AUTS2: variants seen among roughly 807,000 people sequenced by gnomAD.
The protein encoded by AUTS2 is activator of transcription and developmental regulator AUTS2.
Under a neutral mutation model 112.4 loss-of-function variants are expected in AUTS2, and 17 were observed. That is an observed-to-expected ratio of 0.15 (90% CI 0.10 to 0.23). The LOEUF is 0.23. Ranked by LOEUF, AUTS2 falls within the 10% of genes least tolerant of loss-of-function variation. The pLI is 1.00. For synonymous variants in AUTS2, 751 were observed against 702.7 expected, an observed-to-expected ratio of 1.07 and a Z score of -1.09; for missense variants, 1,510 against 1,701.6, an observed-to-expected ratio of 0.89 and a Z score of 1.98.
At chr7:70,708,343 A>G (rs1809851028) in intron 6 of AUTS2, among the ~76,000 whole-genome samples, 1 of 152,222 alleles carries the variant, frequency 6.6e-6, no homozygotes, top group Admixed American at 6.5e-5. Flanking sequence ...TTCTGAAAGC[A>G]GATTGGTCAG....
intron 1 of AUTS2, among the ~76,000 whole-genome samples, chr7:69,692,305 T>C (rs1469965695): frequency 2.0e-5 from 3 of 152,154 alleles, no homozygotes; most frequent in Admixed American, 6.5e-5. Context: ...AATGAGGAGT[T>C]TTTATAGAAA....
At chr7:70,506,008 G>T (rs565493075) in intron 5 of AUTS2, among the ~76,000 whole-genome samples, 2 of 152,170 alleles carry the variant, frequency 1.3e-5, no homozygotes, top group Non-Finnish European at 2.9e-5. Flanking sequence ...GGCCTTGAAC[G>T]TGATGCCTCC....
intron 4 of AUTS2, among the ~76,000 whole-genome samples, chr7:70,371,124 G>A (rs1336056606): frequency 6.6e-6 from 1 of 152,182 alleles, no homozygotes; most frequent in Non-Finnish European, 1.5e-5. Flanking sequence ...ACCAGAGGTT[G>A]CTATTCTCAT....
At chr7:70,247,208 C>G (rs1721066875) in intron 4 of AUTS2, among the ~76,000 whole-genome samples, 1 of 151,986 alleles carries the variant, frequency 6.6e-6, no homozygotes. Context: ...AAATGTTGAC[C>G]CATGCTACAA....
chr7:70,003,998 AT>A (rs1799388014), intron 2 of AUTS2, among the ~76,000 whole-genome samples: 1 of 86,922 alleles, frequency 1.2e-5, no homozygotes, highest in South Asian at 3.7e-4. Context: ...ATGAATATAT[AT>A]ATTATATATG....
intron 4 of AUTS2, among the ~76,000 whole-genome samples, chr7:70,412,845 G>C (rs1305258393): frequency 1.3e-5 from 2 of 152,148 alleles, no homozygotes; most frequent in Non-Finnish European, 2.9e-5. Flanking sequence ...ACAAAAATTA[G>C]CTGGCCATGC....
At chr7:70,680,833 A>G (rs1255258363) in intron 5 of AUTS2, among the ~76,000 whole-genome samples, 1 of 152,230 alleles carries the variant, frequency 6.6e-6, no homozygotes, top group Non-Finnish European at 1.5e-5. Flanking sequence ...AGGAAAATAA[A>G]TAGCATTCTT....
At chr7:70,424,779 G>T (rs1464470067) in intron 4 of AUTS2, among the ~76,000 whole-genome samples, 1 of 152,124 alleles carries the variant, frequency 6.6e-6, no homozygotes, top group Non-Finnish European at 1.5e-5. Context: ...AGGGACAGGG[G>T]TCTCGCTATG....
At chr7:70,669,362 T>C (rs983430909) in intron 5 of AUTS2, among the ~76,000 whole-genome samples, 4 of 152,200 alleles carry the variant, frequency 2.6e-5, no homozygotes, top group Non-Finnish European at 4.4e-5. Flanking sequence ...GTTATTCAGA[T>C]TATAGACTTC....
intron 1 of AUTS2, among the ~76,000 whole-genome samples, chr7:69,880,302 T>G (rs1004166084): frequency 6.6e-6 from 1 of 152,150 alleles, no homozygotes; most frequent in Admixed American, 6.5e-5. Context: ...CTTCCAATAC[T>G]GGGGATTACA....
intron 2 of AUTS2, among the ~76,000 whole-genome samples, chr7:70,065,285 A>G (rs888637351): frequency 6.6e-6 from 1 of 152,206 alleles, no homozygotes; most frequent in African/African-American, 2.4e-5. Context: ...AAACCAGTGC[A>G]TTACAGTAAC....
At chr7:70,642,946 G>A (rs1300298979) in intron 5 of AUTS2, among the ~76,000 whole-genome samples, 1 of 152,208 alleles carries the variant, frequency 6.6e-6, no homozygotes, top group Non-Finnish European at 1.5e-5. Flanking sequence ...GCCAGGTGAA[G>A]GAGTCCCTGC....
intron 5 of AUTS2, among the ~76,000 whole-genome samples, chr7:70,533,473 C>G (rs1008914548): frequency 1.3e-5 from 2 of 152,158 alleles, no homozygotes; most frequent in Non-Finnish European, 2.9e-5. Flanking sequence ...GTTGTAGCTG[C>G]TGCTGAGAGA....
chr7:69,811,203 A>G (rs901857294), intron 1 of AUTS2, among the ~76,000 whole-genome samples: 19 of 152,106 alleles, frequency 1.2e-4, no homozygotes, highest in Admixed American at 1.2e-3. Context: ...CTGCTGGTGG[A>G]CACATGGAAT....
chr7:69,752,158 A>T (rs1312126676), intron 1 of AUTS2, among the ~76,000 whole-genome samples: 6 of 152,136 alleles, frequency 3.9e-5, no homozygotes, highest in Admixed American at 6.5e-5. Flanking sequence ...TGGCTCCTAG[A>T]AGTGCTGTTT....
intron 5 of AUTS2, among the ~76,000 whole-genome samples, chr7:70,578,438 C>T (rs558368283): frequency 6.6e-6 from 1 of 152,316 alleles, no homozygotes; most frequent in South Asian, 2.1e-4. Flanking sequence ...CCCTTTTGAC[C>T]AATGAAATCA....
At chr7:70,044,051 G>C (rs1801390436) in intron 2 of AUTS2, among the ~76,000 whole-genome samples, 1 of 151,830 alleles carries the variant, frequency 6.6e-6, no homozygotes, top group Non-Finnish European at 1.5e-5. Flanking sequence ...AAAAGAAGGA[G>C]TATTGGCGTG....
intron 4 of AUTS2, among the ~76,000 whole-genome samples, chr7:70,139,307 A>G (rs191935804): frequency 2.0e-3 from 297 of 152,230 alleles, no homozygotes; most frequent in Non-Finnish European, 3.7e-3. Context: ...GTCTAACCAT[A>G]GTTGCTTTTT....
chr7:70,603,046 T>C (rs38311), intron 5 of AUTS2, among the ~76,000 whole-genome samples: 68,951 of 152,028 alleles, frequency 0.45, 16,191 homozygotes, highest in Non-Finnish European at 0.49. Flanking sequence ...ATTTTAGGTA[T>C]TTTTTTCCTT....
Sources: gnomAD v4.1 joint callset for allele counts (sites outside exome capture counted in the v4.1 genomes callset) on GRCh38, gnomAD v4.1.1 for gene constraint, MANE v1.5 for transcripts, NCBI Gene and HGNC (gene_info 2026-07-23, HGNC 2026-07-21) for gene names.